Variants in KHDRBS3 observed in about 807,000 individuals in gnomAD.
The protein encoded by KHDRBS3 is KH domain-containing, RNA-binding, signal transduction-associated protein 3.
A neutral mutation model predicts 45.6 loss-of-function variants in KHDRBS3; 23 were observed. The observed-to-expected ratio is 0.50, with a 90% CI of 0.36 to 0.72. KHDRBS3 has a LOEUF of 0.72. KHDRBS3 is among the 30% of genes least tolerant of loss of function. The pLI, the probability that KHDRBS3 is intolerant of heterozygous loss-of-function variation, is 0.00. For missense variants in KHDRBS3, 352 were observed against 424.8 expected, an observed-to-expected ratio of 0.83 and a Z score of 1.51; for synonymous variants, 162 against 156.5, an observed-to-expected ratio of 1.04 and a Z score of -0.26.
intron 7 of KHDRBS3, among the ~76,000 whole-genome samples, chr8:135,630,991 G>C (rs927574351): frequency 6.6e-6 from 1 of 152,190 alleles, no homozygotes; most frequent in Non-Finnish European, 1.5e-5. Context: ...GCTCACGCCT[G>C]TAATCCCAGC....
chr8:135,644,112 CTCTT>C (rs1364399600), intron 7 of KHDRBS3, among the ~76,000 whole-genome samples: 1 of 152,166 alleles, frequency 6.6e-6, no homozygotes, highest in Admixed American at 6.5e-5. Context: ...TACATGGAAA[CTCTT>C]TCTCAAATAC....
At chr8:135,586,170 A>G (rs957189988) in intron 6 of KHDRBS3, among the ~76,000 whole-genome samples, 1 of 152,164 alleles carries the variant, frequency 6.6e-6, no homozygotes, top group African/African-American at 2.4e-5. Flanking sequence ...CCTTATAACC[A>G]CCTACTATGA....
At chr8:135,483,344 A>G (rs1822681241) in intron 1 of KHDRBS3, among the ~76,000 whole-genome samples, 1 of 152,152 alleles carries the variant, frequency 6.6e-6, no homozygotes. Flanking sequence ...CCAAAGCATG[A>G]TGGATTGTGG....
intron 5 of KHDRBS3, among the ~76,000 whole-genome samples, chr8:135,575,039 C>G (rs1827886729): frequency 6.6e-6 from 1 of 152,138 alleles, no homozygotes; most frequent in Admixed American, 6.5e-5. Flanking sequence ...GGAATTGAAT[C>G]CTGATCTGAT....
At chr8:135,587,352 G>C (rs1828526791) in intron 6 of KHDRBS3, among the ~76,000 whole-genome samples, 1 of 152,152 alleles carries the variant, frequency 6.6e-6, no homozygotes, top group East Asian at 1.9e-4. Flanking sequence ...CATTTGAGTA[G>C]GATAGTCTAG....
chr8:135,494,593 C>A (rs895462382), intron 1 of KHDRBS3, among the ~76,000 whole-genome samples: 8 of 152,104 alleles, frequency 5.3e-5, no homozygotes, highest in Non-Finnish European at 1.0e-4. Context: ...CCTTTTGTTT[C>A]TTGAGCCTGA....
chr8:135,637,105 T>C (rs1340066771), intron 7 of KHDRBS3, among the ~76,000 whole-genome samples: 1 of 152,194 alleles, frequency 6.6e-6, no homozygotes, highest in Non-Finnish European at 1.5e-5. Context: ...CTGGAGCATA[T>C]TATTCAATAC....
At chr8:135,612,295 T>G (rs963573139) in intron 7 of KHDRBS3, among the ~76,000 whole-genome samples, 3 of 151,966 alleles carry the variant, frequency 2.0e-5, no homozygotes, top group African/African-American at 4.9e-5. Context: ...TTAAAATCTC[T>G]TAGGAATTCT....
intron 1 of KHDRBS3, among the ~76,000 whole-genome samples, chr8:135,492,516 C>CATATAT (rs3029812): frequency 1.8e-3 from 262 of 145,856 alleles, no homozygotes; most frequent in African/African-American, 4.3e-3. Flanking sequence ...TATATATATA[C>CATATAT]ATATATATAT....
intron 7 of KHDRBS3, among the ~76,000 whole-genome samples, chr8:135,641,235 G>A (rs11166607): frequency 0.39 from 59,598 of 151,982 alleles, 12,792 homozygotes; most frequent in South Asian, 0.53. Flanking sequence ...CTATGCTCAT[G>A]TTCATCACTG....
intron 7 of KHDRBS3, among the ~76,000 whole-genome samples, chr8:135,634,675 A>G (rs898071638): frequency 2.0e-5 from 3 of 152,176 alleles, no homozygotes; most frequent in African/African-American, 7.2e-5. Context: ...CTATATTTGC[A>G]TTGCTTATTT....
intron 5 of KHDRBS3, among the ~76,000 whole-genome samples, chr8:135,574,836 G>C (rs1827878471): frequency 6.6e-6 from 1 of 152,166 alleles, no homozygotes. Flanking sequence ...TAAATAAACT[G>C]TTGATTTTTA....
intron 1 of KHDRBS3, among the ~76,000 whole-genome samples, chr8:135,489,078 TGTTA>T (rs1316238260): frequency 6.6e-6 from 1 of 152,204 alleles, no homozygotes; most frequent in African/African-American, 2.4e-5. Context: ...TGGCAGCAGC[TGTTA>T]GTGTGATTAA....
chr8:135,512,012 T>G (rs1031252495), intron 1 of KHDRBS3, among the ~76,000 whole-genome samples: 9 of 152,382 alleles, frequency 5.9e-5, no homozygotes, highest in African/African-American at 2.2e-4. Flanking sequence ...CTTTGCCATT[T>G]GTTCATGGAA....
intron 4 of KHDRBS3, among the ~76,000 whole-genome samples, chr8:135,550,903 C>G (rs1016655521): frequency 1.3e-5 from 2 of 152,086 alleles, no homozygotes; most frequent in African/African-American, 4.8e-5. Flanking sequence ...AAATTTTTCT[C>G]AACAGTGTTT....
At chr8:135,557,391 A>T in intron 4 of KHDRBS3, 57 bp from the exon 5 acceptor site, 1 of 1,121,026 alleles carries the variant, frequency 8.9e-7, no homozygotes, top group Admixed American at 2.5e-5. Context: ...TTTTGTTCTA[A>T]ATATTTTTGC....
Position 135,609,419 on chromosome 8 carries a change from G to A in KHDRBS3, c.890+2382G>A, listed in dbSNP as rs575916072. Among the ~76,000 whole-genome samples the A allele has an allele frequency of 7.3e-5, 11 of 151,598 alleles. No individual in the cohort carries two copies. The East Asian group carries it at 1.2e-3, about 16-fold the overall frequency. ...AAGGAATTCTTGTGCCTCAACCTCC[G>A]GAGTAGCTGAGATTACAGGCATGTG... On this transcript the variant is annotated intron_variant, in intron 7 of 8. Coordinates refer to ENST00000355849, the MANE Select transcript of KHDRBS3 (RefSeq NM_006558.3).
At chr8:135,466,418 A>T (rs1821702021) in intron 1 of KHDRBS3, among the ~76,000 whole-genome samples, 1 of 152,216 alleles carries the variant, frequency 6.6e-6, no homozygotes, top group African/African-American at 2.4e-5. Context: ...TATAGGGATT[A>T]GTGTGCCCTA....
Position 135,645,992 on chromosome 8 carries a change from A to ATTTTTTTTTT in KHDRBS3, c.949+896_949+905dup, listed in dbSNP as rs57082119. On this transcript the variant is annotated intron_variant, in intron 8 of 8. Coordinates refer to ENST00000355849, the MANE Select transcript of KHDRBS3 (RefSeq NM_006558.3). ...TGAAGCTGTGATGGCTGCACCTTGG[A>ATTTTTTTTTT]TTTTTTTTTTTTTTTTTTTTTTTTT... 9.9e-5 allele frequency among the ~76,000 whole-genome samples: 10 copies of ATTTTTTTTTT among 100,712 alleles called. 1 individual carries two copies. Among genetic ancestry groups the ATTTTTTTTTT allele is most frequent in the African/African-American group, 2.8e-4 (7 of 24,718 alleles). 66.1% of individuals were successfully genotyped at this position (100,712 alleles called of 152,430 possible).
Sources: allele counts gnomAD v4.1 joint callset (sites outside exome capture counted in the v4.1 genomes callset), GRCh38; gene constraint gnomAD v4.1.1; transcripts MANE v1.5; gene names NCBI Gene and HGNC (gene_info 2026-07-23, HGNC 2026-07-21).